Variants in HEPACAM2 observed in about 807,000 individuals in gnomAD.
HEPACAM2 encodes mitotic kinetics regulator.
Under a neutral mutation model 49.6 loss-of-function variants are expected in HEPACAM2, and 49 were observed. That is an observed-to-expected ratio of 0.99 (90% CI 0.78 to 1.25). The LOEUF is 1.25. Ranked by LOEUF, HEPACAM2 falls within the 50% of genes most tolerant of loss-of-function variation. HEPACAM2 has a pLI of 0.00. For missense variants in HEPACAM2, 525 were observed against 557.2 expected, an observed-to-expected ratio of 0.94 and a Z score of 0.58; for synonymous variants, 197 against 202.9, an observed-to-expected ratio of 0.97 and a Z score of 0.25.
intron 3 of HEPACAM2, among the ~76,000 whole-genome samples, chr7:93,212,347 T>G (rs1281186821): frequency 6.6e-6 from 1 of 152,028 alleles, no homozygotes; most frequent in Non-Finnish European, 1.5e-5. Flanking sequence ...ATATGCTATA[T>G]TTGGCTCTTC....
rs771519534 is a variant in HEPACAM2 at position 93,189,260 on chromosome 7, T to C, written c.*7A>G. The C allele has an allele frequency of 1.1e-5, 18 of 1,597,468 alleles. No individual in the cohort carries two copies. Among genetic ancestry groups the C allele is most frequent in the Non-Finnish European group, 1.5e-5 (17 of 1,169,410 alleles). On this transcript the variant is annotated 3_prime_UTR_variant, in exon 10 of 10. Coordinates refer to ENST00000394468, the MANE Select transcript of HEPACAM2 (RefSeq NM_001039372.4). ...TCACTCGAATGTACTGTTTAGCCCA[T>C]GAAAGTTCACCTAGTGAAGAGATAT...
rs1276872198 is a variant in HEPACAM2 at position 93,219,164 on chromosome 7, T to A, written c.367A>T (p.Lys123Ter). The stretch of plus-strand genomic sequence containing the variant: ...GTTCCATTTCCCTGAATGTTGACCT[T>A]CACGATGTAATTGCCTTCATCAGGG... ...QFPDEGNYIV[K>*]VNIQGNGTLS... is the part of the protein sequence containing the mutation. Residue 123 changes from lysine (K) to a stop codon, truncating the protein, a stop_gained, in exon 2 of 10, where the codon AAG becomes TAG. Coordinates refer to ENST00000394468, the MANE Select transcript of HEPACAM2 (RefSeq NM_001039372.4). LOFTEE classifies it high-confidence loss of function. 11 of 1,613,980 alleles carry A rather than the reference T, an allele frequency of 6.8e-6. No homozygotes were observed. In the East Asian group the frequency reaches 2.5e-4, roughly 36 times the overall value.
At chr7:93,199,481 T>C (rs1793824588) in intron 4 of HEPACAM2, among the ~76,000 whole-genome samples, 1 of 152,124 alleles carries the variant, frequency 6.6e-6, no homozygotes, top group Non-Finnish European at 1.5e-5. Context: ...GATATTATTC[T>C]CTTGTGGGAT....
intron 2 of HEPACAM2, among the ~76,000 whole-genome samples, chr7:93,216,022 G>T (rs1333738470): frequency 2.6e-5 from 4 of 151,974 alleles, no homozygotes; most frequent in African/African-American, 9.7e-5. Flanking sequence ...CACCATAAAG[G>T]TACACTTTCA....
chr7:93,197,209 C>T, intron 7 of HEPACAM2, 32 bp downstream of exon 7: 1 of 1,564,978 alleles, frequency 6.4e-7, no homozygotes, highest in Admixed American at 1.8e-5. Flanking sequence ...TACATTAAAA[C>T]TGATAATAGC....
chr7:93,200,855 T>C (rs1793863569), intron 4 of HEPACAM2, among the ~76,000 whole-genome samples: 1 of 152,128 alleles, frequency 6.6e-6, no homozygotes, highest in South Asian at 2.1e-4. Context: ...GGCTTGCAGG[T>C]GGCTAGAATC....
At chr7:93,218,037 C>T (rs1029780519) in intron 2 of HEPACAM2, among the ~76,000 whole-genome samples, 5 of 151,878 alleles carry the variant, frequency 3.3e-5, no homozygotes, top group Non-Finnish European at 7.4e-5. Flanking sequence ...GAAAAGCTGT[C>T]TAGGTAGAGC....
At chr7:93,190,722 A>C (rs1793521824) in intron 9 of HEPACAM2, among the ~76,000 whole-genome samples, 1 of 152,038 alleles carries the variant, frequency 6.6e-6, no homozygotes, top group Admixed American at 6.6e-5. Flanking sequence ...TTCTTAAGAA[A>C]GTCAAAAGAT....
chr7:93,211,298 CAATTTA>C (rs1355492155), intron 3 of HEPACAM2, among the ~76,000 whole-genome samples: 1 of 151,982 alleles, frequency 6.6e-6, no homozygotes, highest in African/African-American at 2.4e-5. Context: ...TTAGTACTTT[CAATTTA>C]AAGTAATCAG....
At chr7:93,228,876 TG>T (rs1794583230), upstream of HEPACAM2, among the ~76,000 whole-genome samples, 1 of 151,666 alleles carries the variant, frequency 6.6e-6, no homozygotes, top group African/African-American at 2.4e-5. Flanking sequence ...TGTGTGTGTG[TG>T]TGTGTGTGTG....
rs1232295681 is a variant in HEPACAM2, at chr7:93,208,401, A to T, written c.1012+179T>A. On this transcript the variant is annotated intron_variant, in intron 4 of 9. Coordinates refer to ENST00000394468, the MANE Select transcript of HEPACAM2 (RefSeq NM_001039372.4). Reference sequence around the variant, plus strand: ...GAATTTCTCCCCTATTTCATTTTGAATTTTTTTTCTTTGAGTCATAGAAAC... The same window carrying T: ...GAATTTCTCCCCTATTTCATTTTGATTTTTTTTTCTTTGAGTCATAGAAAC... Among the ~76,000 whole-genome samples the T allele has an allele frequency of 2.0e-5, 3 of 151,780 alleles. No individual in the cohort carries two copies. The South Asian group carries it at 6.2e-4, about 32-fold the overall frequency.
At chr7:93,216,607 T>C (rs907043796) in intron 2 of HEPACAM2, among the ~76,000 whole-genome samples, 1 of 152,218 alleles carries the variant, frequency 6.6e-6, no homozygotes, top group Admixed American at 6.5e-5. Flanking sequence ...TCTTTAATCA[T>C]TGAAGTTCTT....
At chr7:93,205,788 A>G (rs911877303) in intron 4 of HEPACAM2, 2 of 152,138 alleles carry the variant, frequency 1.3e-5, no homozygotes, top group Non-Finnish European at 2.9e-5. Context: ...TTTCTTTGCC[A>G]TCTTGTTGCT....
chr7:93,208,888 T>TA lies in HEPACAM2; in HGVS notation c.716-13dup, dbSNP rs78714737. 110,419 of 1,505,890 alleles carry TA rather than the reference T, an allele frequency of 0.073. 7,182 individuals carry two copies. Among genetic ancestry groups the TA allele is most frequent in the Admixed American group, 0.29 (13,308 of 45,436 alleles). The allele number at this position is 1,505,890 out of a possible 1,614,324, so 93.3% of individuals were successfully genotyped here. ...TCCATAAGGTCCATCTGCATCAATA[T>TA]AAAAAAAAATAGATAAGTAACACAA... On this transcript the variant is annotated splice_polypyrimidine_tract_variant and intron_variant, in intron 3 of 9. Transcript: ENST00000394468.
intron 4 of HEPACAM2, among the ~76,000 whole-genome samples, chr7:93,199,172 A>G (rs1391284913): frequency 1.3e-5 from 2 of 152,072 alleles, no homozygotes; most frequent in African/African-American, 2.4e-5. Context: ...CATTCTTAAA[A>G]TGTTATTCTA....
intron 4 of HEPACAM2, among the ~76,000 whole-genome samples, chr7:93,198,187 AT>A (rs1793786016): frequency 6.6e-6 from 1 of 152,168 alleles, no homozygotes; most frequent in Admixed American, 6.6e-5. Flanking sequence ...TTTCAAAAAA[AT>A]ATTTAAAGTC....
At chr7:93,232,240 G>C in the HEPACAM2 span, 1 of 505,536 alleles carries the variant, frequency 2.0e-6, no homozygotes, top group Non-Finnish European at 3.6e-6. Flanking sequence ...CCGCTCTTTT[G>C]CTTGCTGGGA....
intron 2 of HEPACAM2, 131 bp from the exon 3 acceptor site, chr7:93,215,816 A>C: frequency 6.0e-6 from 5 of 826,752 alleles, no homozygotes; most frequent in Non-Finnish European, 9.2e-6. Context: ...TAGACAGCTC[A>C]GGTAATAACT....
At chr7:93,228,260 T>C (rs185229277), upstream of HEPACAM2, among the ~76,000 whole-genome samples, 1 of 152,342 alleles carries the variant, frequency 6.6e-6, no homozygotes, top group East Asian at 1.9e-4. Flanking sequence ...CTTTGTTGTA[T>C]TTGAAAATAT....
Sources: allele counts gnomAD v4.1 joint callset (sites outside exome capture counted in the v4.1 genomes callset), GRCh38; gene constraint gnomAD v4.1.1; transcripts MANE v1.5; gene names NCBI Gene and HGNC (gene_info 2026-07-23, HGNC 2026-07-21).